The following MMS22L variants were observed in gnomAD, a reference collection of about 807,000 sequenced individuals.
MMS22L encodes MMS22 like, DNA repair protein.
MMS22L carries 74 observed loss-of-function variants against 159.1 expected under a neutral mutation model. That is an observed-to-expected ratio of 0.47 (90% CI 0.39 to 0.56). The LOEUF (loss-of-function observed/expected upper bound fraction) is 0.56. Among genes scored for constraint, MMS22L ranks in the 20% least tolerant of loss-of-function variants. The pLI is 0.00. For missense variants in MMS22L, 1,351 were observed against 1,422.1 expected (o/e 0.95, Z 0.80); for synonymous variants, 517 against 506.9 (o/e 1.02, Z -0.27).
intron 4 of MMS22L, among the ~76,000 whole-genome samples, chr6:97,276,157 G>C (rs1366652147): frequency 2.0e-5 from 3 of 152,136 alleles, no homozygotes; most frequent in Non-Finnish European, 4.4e-5. Context: ...TAACTACATA[G>C]GGACTTCTTG....
At chr6:97,202,285 A>G (rs1807256990) in intron 14 of MMS22L, among the ~76,000 whole-genome samples, 1 of 152,210 alleles carries the variant, frequency 6.6e-6, no homozygotes, top group Non-Finnish European at 1.5e-5. Flanking sequence ...TGGCTTTCCA[A>G]GTAGCTACTC....
chr6:97,280,912 C>A (rs554192319), intron 3 of MMS22L, among the ~76,000 whole-genome samples: 1 of 152,022 alleles, frequency 6.6e-6, no homozygotes, highest in Non-Finnish European at 1.5e-5. Flanking sequence ...TTTGTTAAGA[C>A]CATACTCTAA....
chr6:97,264,509 G>GT (rs2128079113), intron 8 of MMS22L: 1 of 151,294 alleles, frequency 6.6e-6, no homozygotes, highest in Non-Finnish European at 1.5e-5. Context: ...CTAATACAAA[G>GT]TTAAAAAAAA....
intron 3 of MMS22L, among the ~76,000 whole-genome samples, chr6:97,279,743 C>T (rs572721349): frequency 6.7e-6 from 1 of 149,180 alleles, no homozygotes; most frequent in East Asian, 2.0e-4. Context: ...CCAAGATCAC[C>T]CCACTGCACT....
intron 14 of MMS22L, among the ~76,000 whole-genome samples, chr6:97,202,354 A>G (rs767646371): frequency 2.0e-5 from 3 of 152,202 alleles, no homozygotes; most frequent in Non-Finnish European, 4.4e-5. Context: ...GCCTGAGATC[A>G]TATACCTTTA....
In MMS22L at chr6:97,146,101, T is replaced by C. The variant is rs1391820054; in HGVS notation, c.*705A>G. On this transcript the variant is annotated 3_prime_UTR_variant, in exon 25 of 25. Transcript: ENST00000683635. ...TATTTCCTCCTCCTGATATGATTTT[T>C]TTTTTAATGACAACTCCAAAAGAAA... 6.6e-6 allele frequency: 1 copy of C among 150,812 alleles called. No homozygotes were observed. Among genetic ancestry groups the C allele is most frequent in the Non-Finnish European group, 1.5e-5 (1 of 67,666 alleles). 9.3% of individuals were successfully genotyped at this position (150,812 alleles called of 1,614,324 possible). A position where few individuals can be genotyped will look rare whatever the true frequency, so the allele number is the denominator to read the frequency against.
At chr6:97,234,053 C>A in intron 11 of MMS22L, 73 bp from the exon 12 acceptor site, 1 of 1,513,034 alleles carries the variant, frequency 6.6e-7, no homozygotes. Flanking sequence ...TGATATTGTG[C>A]TGTATATAAC....
intron 14 of MMS22L, among the ~76,000 whole-genome samples, chr6:97,225,949 A>G (rs1047804665): frequency 6.6e-6 from 1 of 152,214 alleles, no homozygotes; most frequent in African/African-American, 2.4e-5. Context: ...TTTTTCATAC[A>G]TTATCAGTGA....
At chr6:97,208,749 C>T (rs1186476706) in intron 14 of MMS22L, among the ~76,000 whole-genome samples, 1 of 151,976 alleles carries the variant, frequency 6.6e-6, no homozygotes, top group Non-Finnish European at 1.5e-5. Flanking sequence ...CATCACACCC[C>T]TCTACTTAAA....
chr6:97,210,363 C>A (rs895055118), intron 14 of MMS22L, among the ~76,000 whole-genome samples: 4 of 151,814 alleles, frequency 2.6e-5, no homozygotes, highest in African/African-American at 7.2e-5. Flanking sequence ...AAGAAAAGAA[C>A]TAAAGCAGAC....
At chr6:97,235,560 G>A (rs1235507169) in intron 11 of MMS22L, among the ~76,000 whole-genome samples, 2 of 152,090 alleles carry the variant, frequency 1.3e-5, no homozygotes, top group African/African-American at 4.8e-5. Context: ...GCCAAGAGAA[G>A]TACTTCAGAA....
At chr6:97,188,321 T>TC (rs1805467251) in intron 14 of MMS22L, among the ~76,000 whole-genome samples, 1 of 152,200 alleles carries the variant, frequency 6.6e-6, no homozygotes, top group South Asian at 2.1e-4. Flanking sequence ...TGGATTTTGC[T>TC]CACCATATCT....
intron 14 of MMS22L, among the ~76,000 whole-genome samples, chr6:97,201,869 C>T (rs1330207435): frequency 6.6e-6 from 1 of 152,178 alleles, no homozygotes; most frequent in African/African-American, 2.4e-5. Flanking sequence ...ATTACATTTT[C>T]AACTGGTACA....
At chr6:97,255,647 T>C (rs928199272) in intron 9 of MMS22L, among the ~76,000 whole-genome samples, 1 of 152,098 alleles carries the variant, frequency 6.6e-6, no homozygotes, top group African/African-American at 2.4e-5. Flanking sequence ...CTTTTAGCTG[T>C]AGTCCCAAAA....
At chr6:97,271,173 TTTTA>T (rs1240499005) in intron 6 of MMS22L, 6 of 152,102 alleles carry the variant, frequency 3.9e-5, no homozygotes, top group South Asian at 2.1e-4. Context: ...GAAAGATGCT[TTTTA>T]TTTTATTATG....
rs1362866408 is a variant in MMS22L at position 97,145,057 on chromosome 6, C to A, written c.*1749G>T. 5.3e-4 allele frequency: 78 copies of A among 146,570 alleles called. 6 individuals carry two copies. Among genetic ancestry groups the A allele is most frequent in the African/African-American group, 2.0e-3 (76 of 38,016 alleles). 9.1% of individuals were successfully genotyped at this position (146,570 alleles called of 1,614,324 possible). A position where few individuals can be genotyped will look rare whatever the true frequency, so the allele number is the denominator to read the frequency against. On this transcript the variant is annotated 3_prime_UTR_variant, in exon 25 of 25. Transcript: ENST00000683635. ...ACACACACACACACACACACACACA[C>A]ACACACACAAAAACACATATACACA...
chr6:97,204,601 G>T (rs1411969161), intron 14 of MMS22L, among the ~76,000 whole-genome samples: 3 of 152,072 alleles, frequency 2.0e-5, no homozygotes, highest in Non-Finnish European at 4.4e-5. Flanking sequence ...AGACTAGCCT[G>T]GGCAATAAGT....
intron 6 of MMS22L, chr6:97,271,295 CT>C (rs1242669540): frequency 2.0e-5 from 3 of 152,048 alleles, no homozygotes; most frequent in Non-Finnish European, 4.4e-5. Context: ...TTCAAATAAC[CT>C]ATCTTTTCAA....
intron 9 of MMS22L, among the ~76,000 whole-genome samples, chr6:97,262,503 G>A (rs1244876534): frequency 2.0e-5 from 3 of 151,668 alleles, no homozygotes; most frequent in Non-Finnish European, 4.4e-5. Flanking sequence ...AAATTAGCTG[G>A]CCACGGTGGT....
Sources: gnomAD v4.1 joint callset for allele counts (sites outside exome capture counted in the v4.1 genomes callset) on GRCh38, gnomAD v4.1.1 for gene constraint, MANE v1.5 for transcripts, NCBI Gene and HGNC (gene_info 2026-07-23, HGNC 2026-07-21) for gene names.